Variants in POM121C observed in about 807,000 individuals in gnomAD.
POM121C encodes the protein POM121 transmembrane nucleoporin C.
A neutral mutation model predicts 66.4 loss-of-function variants in POM121C; 20 were observed. The observed-to-expected ratio is 0.30, with a 90% CI of 0.21 to 0.44. The LOEUF (loss-of-function observed/expected upper bound fraction) is 0.44. Ranked by LOEUF, POM121C falls within the 20% of genes least tolerant of loss-of-function variation. The pLI, the probability that POM121C is intolerant of heterozygous loss-of-function variation, is 1.00. For synonymous variants in POM121C, 286 were observed against 528.0 expected (o/e 0.54, Z 6.28); for missense variants, 580 against 1,225.7 (o/e 0.47, Z 7.87).
rs781975890 is a variant in POM121C at position 75,442,711 on chromosome 7, C to T, written c.-151-1064G>A. The T allele has an allele frequency of 1.4e-5, 19 of 1,376,538 alleles. No individual in the cohort carries two copies. The African/African-American group carries it at 1.4e-4, about 10-fold the overall frequency. The allele number at this position is 1,376,538 out of a possible 1,614,324, so 85.3% of individuals were successfully genotyped here. On this transcript the variant is annotated intron_variant, in intron 3 of 14. Transcript: ENST00000615331. ...CGCCTGCTCCAGCCGCCGCAGCCGCCGGAGACATCGCGGCTCCGCGCCGCG... is the reference window on the plus strand; with the variant it reads ...CGCCTGCTCCAGCCGCCGCAGCCGCTGGAGACATCGCGGCTCCGCGCCGCG...
chr7:75,457,699 C>G (rs1417679006), intron 3 of POM121C, among the ~76,000 whole-genome samples: 1 of 151,816 alleles, frequency 6.6e-6, no homozygotes, highest in Non-Finnish European at 1.5e-5. Context: ...AAGGTGGCAC[C>G]CCATCCTCTC....
intron 10 of POM121C, 144 bp from the exon 11 acceptor site, chr7:75,424,772 A>T: frequency 7.8e-7 from 1 of 1,282,726 alleles, no homozygotes; most frequent in Non-Finnish European, 1.1e-6. Flanking sequence ...TGGCCTGGCC[A>T]ACATGGTGAA....
chr7:75,422,243 T>C lies in POM121C; in HGVS notation c.2009A>G (p.Gln670Arg). ...LATSAPATSS[Q>R]PTLTFSNTST... is the part of the protein sequence containing the mutation. ...CGTGTTACTGAACGTCAGAGTGGGC[T>C]GGCTGCTGGTGGCCGGGGCGGAGGT... The change falls in exon 13 of 15, where the codon CAG (glutamine) becomes CGG (arginine). Residue 670 changes from glutamine to arginine, a missense_variant. Gln to Arg is a conservative substitution (Grantham distance 43, BLOSUM62 1). Transcript: ENST00000615331. 6.2e-7 allele frequency: 1 copy of C among 1,611,232 alleles called. No individual in the cohort carries two copies. Among genetic ancestry groups the C allele is most frequent in the Non-Finnish European group, 8.5e-7 (1 of 1,179,402 alleles).
At chr7:75,477,449 T>C (rs189843014) in intron 1 of POM121C, among the ~76,000 whole-genome samples, 1 of 148,124 alleles carries the variant, frequency 6.8e-6, no homozygotes, top group Admixed American at 6.6e-5. Context: ...ACAAAATTAG[T>C]TGTAGTATTA....
intron 3 of POM121C, among the ~76,000 whole-genome samples, chr7:75,467,764 C>T (rs1481478899): frequency 6.6e-6 from 1 of 152,016 alleles, no homozygotes; most frequent in Non-Finnish European, 1.5e-5. Flanking sequence ...ATCACAAAGT[C>T]CCTGCTCAGT....
rs377103225 is a variant in POM121C, at chr7:75,421,558, C to T, written c.2694G>A (p.Pro898=). The change falls in exon 13 of 15, where the codon CCG becomes CCA. Residue 898 remains proline, a synonymous_variant. Transcript: ENST00000615331. ...TTGTGCTGCCCACGTTGAAGGCAAACGGTGTGCTCTGGCCGGTGGTGCCCA... is the reference window on the plus strand; with the variant it reads ...TTGTGCTGCCCACGTTGAAGGCAAATGGTGTGCTCTGGCCGGTGGTGCCCA... ...NALGTTGQST[P]FAFNVGSTTE... is the part of the protein sequence containing the mutation. 1.8e-4 allele frequency: 287 copies of T among 1,612,256 alleles called. No individual in the cohort carries two copies. The African/African-American group carries it at 1.8e-3, about 10-fold the overall frequency.
intron 7 of POM121C, among the ~76,000 whole-genome samples, chr7:75,433,653 C>A (rs1790279655): frequency 6.6e-6 from 1 of 152,190 alleles, no homozygotes; most frequent in Non-Finnish European, 1.5e-5. Context: ...GCCACTGTGC[C>A]TGGCCAAAAG....
At chr7:75,430,364 C>T (rs1445525441) in intron 7 of POM121C, among the ~76,000 whole-genome samples, 9 of 152,224 alleles carry the variant, frequency 5.9e-5, no homozygotes, top group African/African-American at 9.6e-5. Flanking sequence ...CACATATATA[C>T]GGACACTTAA....
At chr7:75,424,653 C>G (rs587711284) in intron 10 of POM121C, 25 bp from the exon 11 acceptor site, 1 of 1,610,032 alleles carries the variant, frequency 6.2e-7, no homozygotes, top group South Asian at 1.1e-5. Flanking sequence ...AAGAAGAAGT[C>G]AGGCCAATCA....
At chr7:75,433,108 G>A (rs189274958) in intron 7 of POM121C, among the ~76,000 whole-genome samples, 13 of 151,498 alleles carry the variant, frequency 8.6e-5, no homozygotes, top group African/African-American at 2.9e-4. Flanking sequence ...GGTGGCCAGA[G>A]CCTGTAATCC....
intron 7 of POM121C, among the ~76,000 whole-genome samples, chr7:75,435,609 A>C (rs1364959930): frequency 2.6e-5 from 4 of 152,252 alleles, no homozygotes; most frequent in Admixed American, 1.3e-4. Context: ...CCCAAAGGAC[A>C]ATTAACATTA....
intron 7 of POM121C, among the ~76,000 whole-genome samples, chr7:75,437,152 G>A (rs190395490): frequency 3.3e-5 from 5 of 152,244 alleles, no homozygotes; most frequent in African/African-American, 1.2e-4. Context: ...GAATCAGCTC[G>A]CACACATGCA....
At chr7:75,442,539 C>G in intron 3 of POM121C, 1 of 1,452,852 alleles carries the variant, frequency 6.9e-7, no homozygotes, top group Non-Finnish European at 9.0e-7. Context: ...GCGGTAGTCC[C>G]CACGGCCAGC....
chr7:75,483,098 A>G (rs1291825766), intron 1 of POM121C, among the ~76,000 whole-genome samples: 2 of 152,096 alleles, frequency 1.3e-5, no homozygotes, highest in African/African-American at 2.4e-5. Context: ...AGGACTCAAC[A>G]GTAAAAACAG....
chr7:75,427,702 C>A (rs1197638617), intron 7 of POM121C, among the ~76,000 whole-genome samples: 2 of 152,092 alleles, frequency 1.3e-5, no homozygotes, highest in Non-Finnish European at 2.9e-5. Flanking sequence ...CACCTCAGAC[C>A]GTCTTTCCTA....
chr7:75,483,022 C>G (rs1409221748), intron 1 of POM121C, among the ~76,000 whole-genome samples: 3 of 152,112 alleles, frequency 2.0e-5, no homozygotes, highest in Admixed American at 1.3e-4. Context: ...GTTTGCTGTG[C>G]AACCCGAACA....
intron 3 of POM121C, among the ~76,000 whole-genome samples, chr7:75,468,806 G>A (rs1412652335): frequency 1.3e-5 from 2 of 152,144 alleles, no homozygotes; most frequent in Non-Finnish European, 2.9e-5. Flanking sequence ...AGGATCGCTT[G>A]AGCCCAGGAG....
rs141716632 is a variant in POM121C, at chr7:75,468,039, G to A, written c.-152+6665C>T. Among the ~76,000 whole-genome samples the A allele has an allele frequency of 2.5e-3, 381 of 149,924 alleles. 1 individual carries two copies. Among genetic ancestry groups the A allele is most frequent in the South Asian group, 0.017 (83 of 4,750 alleles). On this transcript the variant is annotated intron_variant, in intron 3 of 14. Coordinates refer to ENST00000615331, the MANE Select transcript of POM121C (RefSeq NM_001099415.3). ...CCCCAGCTACTCAGGGGCTGAGGCC[G>A]GAGAATTGCTTGAACTGAGGAGGCA...
Position 75,417,952 on chromosome 7 carries a change from G to C in POM121C, c.*844C>G, listed in dbSNP as rs1334737420. Reference sequence around the variant, plus strand: ...ACAGAGCGTCAGACAAAGGAACACAGGACAAGGCTTGAAACATACAATCCT... The same window carrying C: ...ACAGAGCGTCAGACAAAGGAACACACGACAAGGCTTGAAACATACAATCCT... On this transcript the variant is annotated 3_prime_UTR_variant, in exon 15 of 15. Coordinates refer to ENST00000615331, the MANE Select transcript of POM121C (RefSeq NM_001099415.3). 1 of 985,226 alleles carries C rather than the reference G, an allele frequency of 1.0e-6. No individual in the cohort carries two copies. The highest frequency in any genetic ancestry group is 1.8e-5 in the African/African-American group (1 of 57,060). The allele number at this position is 985,226 out of a possible 1,614,324, so 61.0% of individuals were successfully genotyped here. A position where few individuals can be genotyped will look rare whatever the true frequency, so the allele number is the denominator to read the frequency against.
Sources: allele counts gnomAD v4.1 joint callset (sites outside exome capture counted in the v4.1 genomes callset), GRCh38; gene constraint gnomAD v4.1.1; transcripts MANE v1.5; gene names NCBI Gene and HGNC (gene_info 2026-07-23, HGNC 2026-07-21).